The following TBC1D16 variants were observed in gnomAD, a reference collection of about 807,000 sequenced individuals.
The protein encoded by TBC1D16 is CTD-2529O21.1.
Under a neutral mutation model 74.7 loss-of-function variants are expected in TBC1D16, and 58 were observed. That is an observed-to-expected ratio of 0.78 (90% CI 0.63 to 0.97). The LOEUF (loss-of-function observed/expected upper bound fraction) is 0.97. TBC1D16 is among the 50% of genes least tolerant of loss of function. TBC1D16 has a pLI of 0.00. For synonymous variants in TBC1D16, 493 were observed against 474.7 expected, an observed-to-expected ratio of 1.04 and a Z score of -0.50; for missense variants, 1,014 against 1,079.5, an observed-to-expected ratio of 0.94 and a Z score of 0.85.
chr17:79,984,618 A>T (rs2034746090), intron 3 of TBC1D16, among the ~76,000 whole-genome samples: 1 of 92,620 alleles, frequency 1.1e-5, no homozygotes, highest in African/African-American at 4.0e-5. Context: ...GGAGGGAGGG[A>T]GTGAAGGAAG....
chr17:80,011,658 C>T (rs886497450), intron 2 of TBC1D16, among the ~76,000 whole-genome samples: 1 of 152,090 alleles, frequency 6.6e-6, no homozygotes, highest in African/African-American at 2.4e-5. Context: ...AACCCTGTCT[C>T]TACTAAATGT....
At chr17:79,973,539 T>C (rs201158749) in intron 3 of TBC1D16, among the ~76,000 whole-genome samples, 2 of 151,738 alleles carry the variant, frequency 1.3e-5, no homozygotes, top group Non-Finnish European at 1.5e-5. Context: ...GAAACCCCGT[T>C]TCTACTAAAA....
chr17:80,010,458 C>T lies in TBC1D16; in HGVS notation c.481G>A (p.Glu161Lys). The change falls in exon 3 of 12, where the codon GAG becomes AAG. Residue 161 changes from glutamate (E) to lysine (K), a missense_variant. Glu to Lys is a moderately conservative substitution (Grantham distance 56). Coordinates refer to ENST00000310924, the MANE Select transcript of TBC1D16 (RefSeq NM_019020.4). The surrounding 1 kb of genome is among the most constrained non-coding windows in gnomAD (Gnocchi z 8.8). ...CCCAAGCCCTGCGCCAGCTTCTCCT[C>T]ATCCTCTGGCGCAGGGCTGGCGAGC... is the stretch of plus-strand genomic sequence containing the variant. Reference protein sequence around the residue: ...RMLASPAPEDEEKLAQGLGVD... With the variant: ...RMLASPAPEDKEKLAQGLGVD... The T allele has an allele frequency of 6.2e-7, 1 of 1,609,508 alleles. No individual in the cohort carries two copies.
chr17:79,992,231 C>A (rs1316712897), intron 3 of TBC1D16: 1 of 152,450 alleles, frequency 6.6e-6, no homozygotes, highest in East Asian at 1.9e-4. Flanking sequence ...CCTGACCCCA[C>A]ACTCCGCTGC....
chr17:79,967,057 TCTAATA>T (rs1397824568), intron 3 of TBC1D16, among the ~76,000 whole-genome samples: 19 of 152,118 alleles, frequency 1.2e-4, no homozygotes, highest in Non-Finnish European at 1.9e-4. Context: ...ACTTCCTCAA[TCTAATA>T]AATGTTATCT....
chr17:79,944,824 G>T lies in TBC1D16; in HGVS notation c.1908+84C>A. The T allele has an allele frequency of 7.8e-7, 1 of 1,278,484 alleles. No individual in the cohort carries two copies. The highest frequency in any genetic ancestry group is 1.1e-6 in the Non-Finnish European group (1 of 946,732). 79.2% of individuals were successfully genotyped at this position (1,278,484 alleles called of 1,614,324 possible). ...GGCTGTGGGTGGGGGGCGGCGAGGC[G>T]GACAGGGGCAGCAGGCAGGGTGGCC... On this transcript the variant is annotated intron_variant, in intron 10 of 11. Transcript: ENST00000310924. The surrounding 1 kb of genome is among the most constrained non-coding windows in gnomAD (Gnocchi z 7.7).
At chr17:79,992,288 A>G (rs1407085439) in intron 3 of TBC1D16, 1 of 152,274 alleles carries the variant, frequency 6.6e-6, no homozygotes, top group Non-Finnish European at 1.5e-5. Flanking sequence ...CTGTCAGGAA[A>G]CTGTGTGGAC....
chr17:79,995,701 C>T (rs986589964), intron 3 of TBC1D16, among the ~76,000 whole-genome samples: 2 of 151,906 alleles, frequency 1.3e-5, no homozygotes, highest in African/African-American at 4.8e-5. Flanking sequence ...AGGAGAATGG[C>T]GTGAATCTGG....
At position 79,994,020 on chromosome 17, in the gene TBC1D16, TC is replaced by T. The variant is rs1338173308; in HGVS notation, c.779+16139del. ...GCCCTCCTGATGCAGGGAGCGCCCA[TC>T]CCTGGGGAGCACTGCCTCTCCAGGA... On this transcript the variant is annotated intron_variant, in intron 3 of 11. Transcript: ENST00000310924. The surrounding 1 kb of genome is among the most constrained non-coding windows in gnomAD (Gnocchi z 4.6). Among the ~76,000 whole-genome samples the T allele has an allele frequency of 6.6e-6, 1 of 152,118 alleles. No individual in the cohort carries two copies. Among genetic ancestry groups the T allele is most frequent in the African/African-American group, 2.4e-5 (1 of 41,422 alleles).
chr17:79,955,242 C>T (rs1013725483), intron 3 of TBC1D16, among the ~76,000 whole-genome samples: 6 of 152,126 alleles, frequency 3.9e-5, no homozygotes, highest in African/African-American at 4.8e-5. Context: ...GACCTCAGTT[C>T]GCTTTCATTG....
In TBC1D16 at chr17:79,944,743, T is replaced by C. The variant is rs2032358809; in HGVS notation, c.1908+165A>G. ...GTGACTGGGGAGGCGAGCTGTAAGG[T>C]CTGAAGCCAGCCACGTGGGACGGGA... On this transcript the variant is annotated intron_variant, in intron 10 of 11. Transcript: ENST00000310924. This position sits in a 1 kb window ranked among gnomAD's most constrained non-coding sequence, Gnocchi z 7.7. Among the ~76,000 whole-genome samples, 1 of 151,938 alleles carries C rather than the reference T, an allele frequency of 6.6e-6. No individual in the cohort carries two copies. Among genetic ancestry groups the C allele is most frequent in the South Asian group, 2.1e-4 (1 of 4,824 alleles).
chr17:79,938,053 G>T lies in TBC1D16; in HGVS notation c.*2806C>A, dbSNP rs2031732860. 1 of 152,266 alleles carries T rather than the reference G, an allele frequency of 6.6e-6. No individual in the cohort carries two copies. The highest frequency in any genetic ancestry group is 2.4e-5 in the African/African-American group (1 of 41,474). The allele number at this position is 152,266 out of a possible 1,614,324, so 9.4% of individuals were successfully genotyped here. A position where few individuals can be genotyped will look rare whatever the true frequency, so the allele number is the denominator to read the frequency against. On this transcript the variant is annotated 3_prime_UTR_variant, in exon 12 of 12. Transcript: ENST00000310924. ...TATCCCCTATTTGCACGTTCTGGCG[G>T]TGGGAAGGCTAGAAGTCTAATGACT...
At position 80,001,118 on chromosome 17, in the gene TBC1D16, A is replaced by C. The variant is rs1479345967; in HGVS notation, c.779+9042T>G. On this transcript the variant is annotated intron_variant, in intron 3 of 11. Coordinates refer to ENST00000310924, the MANE Select transcript of TBC1D16 (RefSeq NM_019020.4). This position sits in a 1 kb window ranked among gnomAD's most constrained non-coding sequence, Gnocchi z 5.8. ...TGGGGCGAGGCTATGTCCTGTGGCC[A>C]TTTCTAGACTGACTATGGCCACATG... Among the ~76,000 whole-genome samples the C allele has an allele frequency of 1.3e-5, 2 of 152,158 alleles. No individual in the cohort carries two copies. The highest frequency in any genetic ancestry group is 4.8e-5 in the African/African-American group (2 of 41,452).
rs2034339980 is a variant in TBC1D16 at position 79,976,568 on chromosome 17, C to T, written c.780-23750G>A. Among the ~76,000 whole-genome samples the T allele has an allele frequency of 2.6e-5, 4 of 152,316 alleles. No individual in the cohort carries two copies. The Middle Eastern group carries it at 0.01, about 391-fold the overall frequency. On this transcript the variant is annotated intron_variant, in intron 3 of 11. Coordinates refer to ENST00000310924, the MANE Select transcript of TBC1D16 (RefSeq NM_019020.4). ...TGAGCTCAAAAGCGTGAGGGAAACA[C>T]ACCGTGCAAAGACCAGCTTAGGGGA...
In TBC1D16 at chr17:79,975,729, C is replaced by T. The variant is rs992208101; in HGVS notation, c.780-22911G>A. ...GGACCCCCAGCCAGCCCAAACCTGT[C>T]GCTGGCTGCCCACTAACGCTCCCAG... On this transcript the variant is annotated intron_variant, in intron 3 of 11. Coordinates refer to ENST00000310924, the MANE Select transcript of TBC1D16 (RefSeq NM_019020.4). The surrounding 1 kb of genome is among the most constrained non-coding windows in gnomAD (Gnocchi z 4.5). Among the ~76,000 whole-genome samples, 1 of 152,206 alleles carries T rather than the reference C, an allele frequency of 6.6e-6. No homozygotes were observed. Among genetic ancestry groups the T allele is most frequent in the Non-Finnish European group, 1.5e-5 (1 of 68,038 alleles).
rs755231571 is a variant in TBC1D16 at position 79,952,832 on chromosome 17, T to G, written c.780-14A>C. On this transcript the variant is annotated splice_polypyrimidine_tract_variant and intron_variant, in intron 3 of 11. Transcript: ENST00000310924. The stretch of plus-strand genomic sequence containing the variant: ...CTGGACGGGGGGCTGGTGGAACAGG[T>G]TATGTGATGATCGCCACACTTCTCC... The G allele has an allele frequency of 3.7e-5, 59 of 1,593,854 alleles. No individual in the cohort carries two copies. In the East Asian group the frequency reaches 1.3e-3, roughly 35 times the overall value.
At position 79,936,031 on chromosome 17, in the gene TBC1D16, T is replaced by C. The variant is rs2031563684; in HGVS notation, c.*4828A>G. ...CTGGCTCTGCCCAGGGACACCCCTC[T>C]CCTGGTTCTAATGCTCAGACCCAGG... On this transcript the variant is annotated 3_prime_UTR_variant, in exon 12 of 12. Coordinates refer to ENST00000310924, the MANE Select transcript of TBC1D16 (RefSeq NM_019020.4). 1 of 152,164 alleles carries C rather than the reference T, an allele frequency of 6.6e-6. No individual in the cohort carries two copies. The highest frequency in any genetic ancestry group is 2.4e-5 in the African/African-American group (1 of 41,422). The allele number at this position is 152,164 out of a possible 1,614,324, so 9.4% of individuals were successfully genotyped here.
intron 1 of TBC1D16, among the ~76,000 whole-genome samples, chr17:80,017,445 G>A (rs1281374156): frequency 6.6e-6 from 1 of 152,036 alleles, no homozygotes; most frequent in Non-Finnish European, 1.5e-5. Flanking sequence ...ACTTTGGGAG[G>A]CCTAGGTGGG....
At chr17:80,027,759 G>A (rs1389573452) in intron 1 of TBC1D16, among the ~76,000 whole-genome samples, 2 of 152,010 alleles carry the variant, frequency 1.3e-5, no homozygotes, top group Non-Finnish European at 2.9e-5. Flanking sequence ...GGGCATGGTG[G>A]CAGGCGCCTG....
Sources: gnomAD v4.1 joint callset for allele counts (sites outside exome capture counted in the v4.1 genomes callset) on GRCh38, gnomAD v4.1.1 for gene constraint, Gnocchi (gnomAD v3.1) non-coding constraint, MANE v1.5 for transcripts, NCBI Gene and HGNC (gene_info 2026-07-23, HGNC 2026-07-21) for gene names.